The following IQSEC1 variants were observed in gnomAD, a reference collection of about 807,000 sequenced individuals.
IQSEC1 encodes the protein IQ motif and SEC7 domain-containing protein 1.
In IQSEC1, 31 loss-of-function variants were observed where a neutral mutation model predicts 91.0. The observed-to-expected ratio is 0.34, with a 90% CI of 0.26 to 0.46. The LOEUF (loss-of-function observed/expected upper bound fraction) is 0.46, where lower values mean the gene tolerates loss of function less well. Among genes scored for constraint, IQSEC1 ranks in the 20% least tolerant of loss-of-function variants. IQSEC1 has a pLI of 1.00. For missense variants in IQSEC1, 1,388 were observed against 1,575.6 expected, an observed-to-expected ratio of 0.88 and a Z score of 2.02; for synonymous variants, 699 against 662.6, an observed-to-expected ratio of 1.05 and a Z score of -0.84.
At chr3:13,191,017 C>T (rs773068152) in intron 1 of IQSEC1, among the ~76,000 whole-genome samples, 8 of 152,236 alleles carry the variant, frequency 5.3e-5, no homozygotes, top group African/African-American at 1.9e-4. Flanking sequence ...GCCCCCAACA[C>T]ACCCCTTGCC....
In IQSEC1 at chr3:13,266,922, C is replaced by T. The variant is rs143312433; in HGVS notation, c.272+15789G>A. 6.3e-3 allele frequency among the ~76,000 whole-genome samples: 955 copies of T among 152,248 alleles called. 8 individuals carry two copies. The highest frequency in any genetic ancestry group is 0.022 in the African/African-American group (903 of 41,528). On this transcript the variant is annotated intron_variant, in intron 1 of 15. Coordinates refer to the IQSEC1 transcript ENST00000648114. ...AAGTGGACGGCAGGAACGCCCTGGGCCCCCGCTGCACCCCTGACCCCTGGC... is the reference window on the plus strand; with the variant it reads ...AAGTGGACGGCAGGAACGCCCTGGGTCCCCGCTGCACCCCTGACCCCTGGC...
In IQSEC1 at chr3:12,941,757, G is replaced by A. The variant is rs761289147; in HGVS notation, c.132C>T (p.Tyr44=). The change falls in exon 2 of 14, where the codon TAC becomes TAT. Residue 44 remains tyrosine, a synonymous_variant. Transcript: ENST00000613206. Reference sequence around the variant, plus strand: ...CATAGGCTCCCACTGACGTGTGCTCGTAGTGATCCGGGCTCAGGCTGGAAC... The same window carrying A: ...CATAGGCTCCCACTGACGTGTGCTCATAGTGATCCGGGCTCAGGCTGGAAC... ...VPGSSLSPDH[Y]EHTSVGAYGL... is the part of the protein sequence containing the mutation. The A allele has an allele frequency of 5.0e-5, 80 of 1,612,240 alleles. No individual in the cohort carries two copies. In the East Asian group the frequency reaches 1.1e-3, roughly 22 times the overall value.
intron 1 of IQSEC1, among the ~76,000 whole-genome samples, chr3:13,258,988 C>T (rs1695337313): frequency 1.3e-5 from 2 of 152,114 alleles, no homozygotes; most frequent in African/African-American, 4.8e-5. Context: ...CAAGACCTAT[C>T]ATCTTTCCCC....
intron 2 of IQSEC1, among the ~76,000 whole-genome samples, chr3:13,126,712 A>G (rs1202735709): frequency 2.0e-5 from 3 of 152,216 alleles, no homozygotes; most frequent in Non-Finnish European, 4.4e-5. Context: ...CATTTTAGCC[A>G]TCCTAATCAG....
intron 1 of IQSEC1, among the ~76,000 whole-genome samples, chr3:13,023,550 G>A (rs1400852040): frequency 2.6e-5 from 4 of 152,132 alleles, no homozygotes; most frequent in Non-Finnish European, 5.9e-5. Flanking sequence ...GGAAACTGAG[G>A]CTCAGAGAGG....
intron 1 of IQSEC1, chr3:13,015,799 G>A (rs889993956): frequency 2.3e-6 from 2 of 885,524 alleles, no homozygotes; most frequent in East Asian, 1.2e-4. Context: ...AGGCACTGCT[G>A]AGGGGGCTCC....
rs554120278 is a variant in IQSEC1 at position 12,915,503 on chromosome 3, C to A, written c.2160+91G>T. 7.5e-4 allele frequency: 1,055 copies of A among 1,406,856 alleles called. 5 individuals carry two copies. The Middle Eastern group carries it at 0.015, about 20-fold the overall frequency. 87.1% of individuals were successfully genotyped at this position (1,406,856 alleles called of 1,614,324 possible). A position where few individuals can be genotyped will look rare whatever the true frequency, so the allele number is the denominator to read the frequency against. On this transcript the variant is annotated intron_variant, in intron 7 of 13. Coordinates refer to ENST00000613206, the MANE Select transcript of IQSEC1 (RefSeq NM_001134382.3). ...ACCAGCCCTGCTGGAAGAGACCACA[C>A]GGAGTGGGGTGGGTGGGAGTGAGAA...
At chr3:13,167,684 A>C (rs935976684) in intron 1 of IQSEC1, among the ~76,000 whole-genome samples, 2 of 152,178 alleles carry the variant, frequency 1.3e-5, no homozygotes, top group African/African-American at 4.8e-5. Context: ...AGGATAACCA[A>C]GCCTTTCTCC....
chr3:12,972,807 G>A (rs183057969), intron 1 of IQSEC1, among the ~76,000 whole-genome samples: 2 of 152,274 alleles, frequency 1.3e-5, no homozygotes, highest in Non-Finnish European at 2.9e-5. Context: ...CAGCCTGGGC[G>A]GGTGTGTTTT....
intron 1 of IQSEC1, chr3:12,986,880 A>C (rs1015192657): frequency 3.6e-6 from 1 of 278,950 alleles, no homozygotes; most frequent in Admixed American, 5.0e-5. Flanking sequence ...CTGCCCCAAC[A>C]GACCAAGATA....
intron 2 of IQSEC1, among the ~76,000 whole-genome samples, chr3:13,089,233 T>A (rs554556034): frequency 6.6e-6 from 1 of 152,258 alleles, no homozygotes; most frequent in Non-Finnish European, 1.5e-5. Context: ...CATCAACAGA[T>A]GATGGATAAA....
At chr3:13,123,141 C>T (rs1327875329) in intron 2 of IQSEC1, among the ~76,000 whole-genome samples, 2 of 152,220 alleles carry the variant, frequency 1.3e-5, no homozygotes, top group Admixed American at 1.3e-4. Flanking sequence ...AAGATAAAAT[C>T]CAGCCAAGAA....
intron 2 of IQSEC1, among the ~76,000 whole-genome samples, chr3:13,113,591 A>G (rs1559257830): frequency 6.6e-6 from 1 of 151,924 alleles, no homozygotes; most frequent in Non-Finnish European, 1.5e-5. Flanking sequence ...GCGCGGAGAG[A>G]AGACGAGGCC....
In IQSEC1 at chr3:12,953,621, G is replaced by A. The variant is rs75528132; in HGVS notation, c.24-11756C>T. Among the ~76,000 whole-genome samples, 1,499 of 152,278 alleles carry A rather than the reference G, an allele frequency of 9.8e-3. 21 individuals carry two copies. Among genetic ancestry groups the A allele is most frequent in the African/African-American group, 0.034 (1,410 of 41,558 alleles). On this transcript the variant is annotated intron_variant, in intron 1 of 13. Transcript: ENST00000613206. Reference sequence around the variant, plus strand: ...GCAGCTGCTGGAGAGATGGGCAGACGGCACGAGGAGTCGGGCAGCAGTCAG... The same window carrying A: ...GCAGCTGCTGGAGAGATGGGCAGACAGCACGAGGAGTCGGGCAGCAGTCAG...
At chr3:12,905,703 TTC>T (rs1232626474) in intron 12 of IQSEC1, among the ~76,000 whole-genome samples, 1 of 152,248 alleles carries the variant, frequency 6.6e-6, no homozygotes, top group African/African-American at 2.4e-5. Flanking sequence ...GCAGGGGCGC[TTC>T]TCTGTCCACC....
intron 1 of IQSEC1, among the ~76,000 whole-genome samples, chr3:12,968,784 T>C (rs532264571): frequency 6.6e-6 from 1 of 152,224 alleles, no homozygotes; most frequent in Admixed American, 6.5e-5. Context: ...TACAAGTCCA[T>C]CTCCTGGAGG....
At chr3:13,122,507 G>T (rs1706442591) in intron 2 of IQSEC1, among the ~76,000 whole-genome samples, 1 of 151,986 alleles carries the variant, frequency 6.6e-6, no homozygotes, top group Non-Finnish European at 1.5e-5. Context: ...GATGAAGAAG[G>T]CAGGGAGGGA....
intron 1 of IQSEC1, among the ~76,000 whole-genome samples, chr3:13,179,681 C>T (rs957861244): frequency 1.1e-4 from 17 of 152,264 alleles, no homozygotes; most frequent in Admixed American, 3.9e-4. Context: ...CAGCCTGCCA[C>T]GGCACTGTGG....
rs545930599 is a variant in IQSEC1 at position 13,161,287 on chromosome 3, G to C, written c.302+2817C>G. 3.3e-5 allele frequency among the ~76,000 whole-genome samples: 5 copies of C among 152,276 alleles called. No individual in the cohort carries two copies. In the South Asian group the frequency reaches 1.0e-3, roughly 32 times the overall value. On this transcript the variant is annotated intron_variant, in intron 2 of 15. Coordinates refer to the IQSEC1 transcript ENST00000648114. ...CACTGCCACAGTGTGTCAGCCCAGG[G>C]GGAGTGCGGGAGGAGAAGCGGGGGA...
Sources: allele counts gnomAD v4.1 joint callset (sites outside exome capture counted in the v4.1 genomes callset), GRCh38; gene constraint gnomAD v4.1.1; transcripts MANE v1.5; gene names NCBI Gene and HGNC (gene_info 2026-07-23, HGNC 2026-07-21).